The following SASS6 variants were observed in gnomAD, a reference collection of about 807,000 sequenced individuals.
The protein encoded by SASS6 is spindle assembly abnormal protein 6 homolog.
SASS6 carries 59 observed loss-of-function variants against 94.9 expected under a neutral mutation model. The observed-to-expected ratio is 0.62, with a 90% CI of 0.50 to 0.77. The LOEUF (loss-of-function observed/expected upper bound fraction) is 0.77. SASS6 is among the 30% of genes least tolerant of loss of function. SASS6 has a pLI of 0.00. For synonymous variants in SASS6, 264 were observed against 270.0 expected, an observed-to-expected ratio of 0.98 and a Z score of 0.22; for missense variants, 698 against 734.1, an observed-to-expected ratio of 0.95 and a Z score of 0.57.
chr1:100,110,549 G>T (rs1214184314), intron 7 of SASS6, 66 bp from the exon 8 acceptor site: 8 of 791,946 alleles, frequency 1.0e-5, no homozygotes, highest in Non-Finnish European at 1.5e-5. Flanking sequence ...AATACAGAAA[G>T]ATTTGAACAA....
At position 100,084,422 on chromosome 1, in the gene SASS6, A is replaced by G. The variant is rs1651080196; in HGVS notation, c.*906T>C. 1 of 152,074 alleles carries G rather than the reference A, an allele frequency of 6.6e-6. No homozygotes were observed. Among genetic ancestry groups the G allele is most frequent in the African/African-American group, 2.4e-5 (1 of 41,444 alleles). 9.4% of individuals were successfully genotyped at this position (152,074 alleles called of 1,614,324 possible). ...CCAAGGAACAATTCTTAAAACTTTC[A>G]GTTACAGGGAAGAGAAGAAAATTGT... On this transcript the variant is annotated 3_prime_UTR_variant, in exon 17 of 17. Coordinates refer to ENST00000287482, the MANE Select transcript of SASS6 (RefSeq NM_194292.3).
chr1:100,113,383 C>A (rs542227672), intron 7 of SASS6, among the ~76,000 whole-genome samples: 1 of 151,790 alleles, frequency 6.6e-6, no homozygotes, highest in Admixed American at 6.6e-5. Context: ...CTGAGGCGGG[C>A]GGATCACGAG....
intron 15 of SASS6, among the ~76,000 whole-genome samples, chr1:100,086,513 ATTTTT>A (rs11327228): frequency 1.5e-5 from 2 of 136,152 alleles, no homozygotes; most frequent in Non-Finnish European, 1.6e-5. Context: ...TAATGATTTG[ATTTTT>A]TTTTTTTTTT....
Position 100,084,358 on chromosome 1 carries a change from G to T in SASS6, c.*970C>A, listed in dbSNP as rs887881918. The T allele has an allele frequency of 6.6e-6, 1 of 151,858 alleles. No individual in the cohort carries two copies. Among genetic ancestry groups the T allele is most frequent in the East Asian group, 1.9e-4 (1 of 5,194 alleles). 9.4% of individuals were successfully genotyped at this position (151,858 alleles called of 1,614,324 possible). A position where few individuals can be genotyped will look rare whatever the true frequency, so the allele number is the denominator to read the frequency against. Reference sequence around the variant, plus strand: ...GTTTGTCAATAAGAAAACAAAATGAGGCCCTATGATTCTAGGTGAATTTTA... The same window carrying T: ...GTTTGTCAATAAGAAAACAAAATGATGCCCTATGATTCTAGGTGAATTTTA... On this transcript the variant is annotated 3_prime_UTR_variant, in exon 17 of 17. Transcript: ENST00000287482.
chr1:100,122,878 T>C (rs1432493066), intron 3 of SASS6, among the ~76,000 whole-genome samples: 1 of 152,108 alleles, frequency 6.6e-6, no homozygotes, highest in Non-Finnish European at 1.5e-5. Flanking sequence ...ATAATTAGCA[T>C]CCTGAAGGAT....
chr1:100,100,005 G>A (rs1299184844), intron 14 of SASS6, among the ~76,000 whole-genome samples: 1 of 152,158 alleles, frequency 6.6e-6, no homozygotes, highest in Non-Finnish European at 1.5e-5. Flanking sequence ...AGAGGCTCAT[G>A]CCTGTAATCC....
intron 14 of SASS6, among the ~76,000 whole-genome samples, chr1:100,100,271 T>A (rs575834625): frequency 1.3e-5 from 2 of 152,134 alleles, no homozygotes; most frequent in African/African-American, 4.8e-5. Context: ...GTCACAAAAA[T>A]AAATGAATAA....
At chr1:100,129,703 G>A (rs931846664) in intron 1 of SASS6, among the ~76,000 whole-genome samples, 13 of 152,186 alleles carry the variant, frequency 8.5e-5, no homozygotes, top group African/African-American at 2.7e-4. Context: ...AACAGCAGGG[G>A]TAATAGTATA....
rs983964645 is a variant in SASS6, at chr1:100,085,110, A to G, written c.*218T>C. The G allele has an allele frequency of 8.3e-6, 4 of 483,342 alleles. No homozygotes were observed. The highest frequency in any genetic ancestry group is 5.8e-5 in the African/African-American group (3 of 52,024). 29.9% of individuals were successfully genotyped at this position (483,342 alleles called of 1,614,324 possible). On this transcript the variant is annotated 3_prime_UTR_variant, in exon 17 of 17. Transcript: ENST00000287482. Reference sequence around the variant, plus strand: ...ATTCTATAAAACGCCATGTTCACAAACCAAAAAATGTCATTTACTCACAAT... The same window carrying G: ...ATTCTATAAAACGCCATGTTCACAAGCCAAAAAATGTCATTTACTCACAAT...
intron 1 of SASS6, among the ~76,000 whole-genome samples, chr1:100,130,892 A>G (rs2810417): frequency 0.95 from 144,687 of 152,264 alleles, 68,769 homozygotes; most frequent in East Asian, 1. Context: ...GCATGGCTGT[A>G]TTCCAAGAAA....
chr1:100,131,155 A>C (rs1278343452), intron 1 of SASS6, among the ~76,000 whole-genome samples: 1 of 152,074 alleles, frequency 6.6e-6, no homozygotes, highest in Non-Finnish European at 1.5e-5. Context: ...GTAAGCCACA[A>C]ATGTGAGCCA....
chr1:100,105,918 C>G lies in SASS6; in HGVS notation c.1409-15G>C, dbSNP rs925424007. On this transcript the variant is annotated splice_polypyrimidine_tract_variant and intron_variant, in intron 12 of 16. Transcript: ENST00000287482. ...CCACGTGATTACTTAAATAAAAGAA[C>G]AAGAAGCAAGGTAAAGAATATTGAC... 6.5e-7 allele frequency: 1 copy of G among 1,544,304 alleles called. No individual in the cohort carries two copies. Among genetic ancestry groups the G allele is most frequent in the Non-Finnish European group, 8.8e-7 (1 of 1,131,122 alleles).
Position 100,083,763 on chromosome 1 carries a change from A to C in SASS6, c.*1565T>G, listed in dbSNP as rs2101629752. On this transcript the variant is annotated 3_prime_UTR_variant, in exon 17 of 17. Transcript: ENST00000287482. ...TACAAATTTGCAAGATATCAGAATG[A>C]TCTCTCCTGAAAATTCAACTTTCCT... The C allele has an allele frequency of 6.6e-6, 1 of 152,080 alleles. No individual in the cohort carries two copies. Among genetic ancestry groups the C allele is most frequent in the East Asian group, 1.9e-4 (1 of 5,178 alleles). 9.4% of individuals were successfully genotyped at this position (152,080 alleles called of 1,614,324 possible). A position where few individuals can be genotyped will look rare whatever the true frequency, so the allele number is the denominator to read the frequency against.
At chr1:100,127,151 T>C (rs1248595539) in intron 1 of SASS6, among the ~76,000 whole-genome samples, 1 of 152,180 alleles carries the variant, frequency 6.6e-6, no homozygotes. Context: ...AGGGAGAAAT[T>C]AGTAAAAAAT....
rs1387407143 is a variant in SASS6, at chr1:100,084,145, A to AG, written c.*1182_*1183insC. 2.0e-5 allele frequency: 3 copies of AG among 151,212 alleles called. No individual in the cohort carries two copies. The highest frequency in any genetic ancestry group is 7.3e-5 in the African/African-American group (3 of 41,324). The allele number at this position is 151,212 out of a possible 1,614,324, so 9.4% of individuals were successfully genotyped here. Reference sequence around the variant, plus strand: ...TAGTTTCAAGATACTGGCTTCGTAAAAAAAAAAAAAAAATTAGCAAAGATT... The same window carrying AG: ...TAGTTTCAAGATACTGGCTTCGTAAAGAAAAAAAAAAAAATTAGCAAAGATT... On this transcript the variant is annotated 3_prime_UTR_variant, in exon 17 of 17. Transcript: ENST00000287482.
intron 14 of SASS6, among the ~76,000 whole-genome samples, chr1:100,092,598 T>G (rs573117300): frequency 1.3e-5 from 2 of 152,058 alleles, no homozygotes; most frequent in Non-Finnish European, 2.9e-5. Flanking sequence ...GTTTTTGAGA[T>G]GGAGTCTCGC....
At position 100,103,034 on chromosome 1, in the gene SASS6, G is replaced by C; in HGVS notation, c.1595C>G (p.Ser532Cys). 4 of 1,607,508 alleles carry C rather than the reference G, an allele frequency of 2.5e-6. No individual in the cohort carries two copies. Among genetic ancestry groups the C allele is most frequent in the Non-Finnish European group, 1.7e-6 (2 of 1,174,100 alleles). Residue 532 changes from serine to cysteine, a missense_variant, in exon 14 of 17, where the codon TCC becomes TGC. Transcript: ENST00000287482. The stretch of plus-strand genomic sequence containing the variant: ...GGTATTCTGGAATGCAAATGCAGAG[G>C]AGACAGGATAACCAATCCCACAGGT... The part of the protein sequence containing the change: ...YPTCGIGYPV[S>C]SAFAFQNTFP...
At chr1:100,105,187 C>T (rs1436089863) in intron 13 of SASS6, among the ~76,000 whole-genome samples, 1 of 152,036 alleles carries the variant, frequency 6.6e-6, no homozygotes, top group African/African-American at 2.4e-5. Flanking sequence ...TTTGGTATTA[C>T]TTTAGTTAGC....
chr1:100,100,430 A>G (rs1406910026), intron 14 of SASS6, among the ~76,000 whole-genome samples: 2 of 152,248 alleles, frequency 1.3e-5, no homozygotes, highest in Non-Finnish European at 2.9e-5. Flanking sequence ...GCCTGGCCAC[A>G]GCAGATAACA....
Sources: allele counts gnomAD v4.1 joint callset (sites outside exome capture counted in the v4.1 genomes callset), GRCh38; gene constraint gnomAD v4.1.1; transcripts MANE v1.5; gene names NCBI Gene and HGNC (gene_info 2026-07-23, HGNC 2026-07-21).